The following GREB1 variants were observed in gnomAD, a reference collection of about 807,000 sequenced individuals.
The protein encoded by GREB1 is growth regulating estrogen receptor binding 1, also known as protein GREB1.
GREB1 carries 106 observed loss-of-function variants against 200.7 expected under a neutral mutation model. The observed-to-expected ratio is 0.53, with a 90% CI of 0.45 to 0.62. The LOEUF is 0.62. GREB1 is among the 20% of genes least tolerant of loss of function. The pLI is 0.00. For synonymous variants in GREB1, 1,132 were observed against 1,092.4 expected (o/e 1.04, Z -0.72); for missense variants, 2,243 against 2,556.8 (o/e 0.88, Z 2.65).
chr2:11,619,084 G>A (rs1474526762), intron 22 of GREB1, among the ~76,000 whole-genome samples, 165 bp downstream of exon 22: 1 of 152,220 alleles, frequency 6.6e-6, no homozygotes, highest in Non-Finnish European at 1.5e-5. Flanking sequence ...GAGGAGGGCA[G>A]GACTCATCTG....
intron 25 of GREB1, among the ~76,000 whole-genome samples, chr2:11,628,480 G>A (rs1356679356): frequency 6.6e-6 from 1 of 152,270 alleles, no homozygotes; most frequent in Non-Finnish European, 1.5e-5. Flanking sequence ...CTTGGCTGCC[G>A]GGGACGCAGC....
intron 1 of GREB1, among the ~76,000 whole-genome samples, chr2:11,552,906 A>C (rs1037771941): frequency 2.0e-5 from 3 of 149,816 alleles, no homozygotes; most frequent in Admixed American, 1.3e-4. Context: ...GCTACACGGG[A>C]GGCTGAGGCA....
intron 3 of GREB1, among the ~76,000 whole-genome samples, chr2:11,565,924 TTTC>T (rs1457353715): frequency 6.6e-6 from 1 of 152,148 alleles, no homozygotes; most frequent in Non-Finnish European, 1.5e-5. Context: ...GTGTTTAAAA[TTTC>T]TTCCTGTTGA....
chr2:11,626,506 T>G (rs1684464199), intron 24 of GREB1, among the ~76,000 whole-genome samples: 1 of 152,142 alleles, frequency 6.6e-6, no homozygotes, highest in South Asian at 2.1e-4. Flanking sequence ...GAGAATCACT[T>G]GAACCTGCGA....
chr2:11,558,397 C>T (rs1237218253), intron 2 of GREB1, among the ~76,000 whole-genome samples: 5 of 152,178 alleles, frequency 3.3e-5, no homozygotes, highest in African/African-American at 7.2e-5. Context: ...TGCTGTTGGA[C>T]ATGTGGCACT....
chr2:11,581,344 A>G (rs1375051632), intron 7 of GREB1: 1 of 311,348 alleles, frequency 3.2e-6, no homozygotes, highest in Non-Finnish European at 5.9e-6. Flanking sequence ...GCAGCTCACT[A>G]ATCGGTACCG....
At chr2:11,513,370 A>C (rs186319645) in intron 1 of GREB1, among the ~76,000 whole-genome samples, 17 of 152,220 alleles carry the variant, frequency 1.1e-4, no homozygotes, top group Admixed American at 4.6e-4. Context: ...TGGGCATCTC[A>C]GGGAAGGAAG....
rs1216435834 is a variant in GREB1, at chr2:11,597,366, C to T, written c.1955-415C>T. Among the ~76,000 whole-genome samples the T allele has an allele frequency of 6.6e-6, 1 of 152,098 alleles. No individual in the cohort carries two copies. Among genetic ancestry groups the T allele is most frequent in the Non-Finnish European group, 1.5e-5 (1 of 68,018 alleles). ...CTATGCCAATTTCCTGCCTCTGAGT[C>T]TGTTGCTGATGTTTTTTATTCATAC... On this transcript the variant is annotated intron_variant, in intron 13 of 32. Coordinates refer to ENST00000381486, the MANE Select transcript of GREB1 (RefSeq NM_014668.4). This position sits in a 1 kb window ranked among gnomAD's most constrained non-coding sequence, Gnocchi z 4.1.
At chr2:11,520,288 A>G (rs1673657859) in intron 1 of GREB1, among the ~76,000 whole-genome samples, 2 of 152,220 alleles carry the variant, frequency 1.3e-5, no homozygotes, top group Admixed American at 6.5e-5. Context: ...ACAAATTATC[A>G]TAGATCTATT....
intron 17 of GREB1, 121 bp from the exon 18 acceptor site, chr2:11,610,567 A>G (rs1682824044): frequency 1.4e-6 from 1 of 716,370 alleles, no homozygotes; most frequent in East Asian, 2.6e-5. Flanking sequence ...TCCAGAGGCA[A>G]CACAACTGCG....
intron 23 of GREB1, among the ~76,000 whole-genome samples, chr2:11,622,068 GAC>G (rs1266131258): frequency 6.6e-6 from 1 of 151,994 alleles, no homozygotes; most frequent in African/African-American, 2.4e-5. Flanking sequence ...GATTAAATGT[GAC>G]ACACACAGAG....
chr2:11,592,714 C>A, intron 10 of GREB1, 62 bp from the exon 11 acceptor site: 2 of 1,106,596 alleles, frequency 1.8e-6, no homozygotes, highest in Non-Finnish European at 2.5e-6. Context: ...CATCACTGCA[C>A]CCGTGCGTCC....
At chr2:11,622,738 ATG>A in intron 23 of GREB1, among the ~76,000 whole-genome samples, 1 of 152,342 alleles carries the variant, frequency 6.6e-6, no homozygotes, top group East Asian at 1.9e-4. Context: ...AAAGGAAGCT[ATG>A]CAGGTTTTGC....
intron 1 of GREB1, among the ~76,000 whole-genome samples, chr2:11,487,677 T>G (rs983968252): frequency 2.0e-5 from 3 of 152,266 alleles, no homozygotes; most frequent in Non-Finnish European, 4.4e-5. Flanking sequence ...ATAGAACGAT[T>G]GTGAGCCTCT....
chr2:11,581,009 C>T, intron 7 of GREB1, 177 bp downstream of exon 7: 2 of 771,364 alleles, frequency 2.6e-6, no homozygotes, highest in Non-Finnish European at 4.6e-6. Context: ...GGGCCCAGGC[C>T]CTGGTGCTCT....
At position 11,634,213 on chromosome 2, in the gene GREB1, G is replaced by T. The variant is rs991868518; in HGVS notation, c.5074G>T (p.Ala1692Ser). The change falls in exon 29 of 33, where the codon GCC becomes TCC. Residue 1692 changes from alanine (A) to serine (S), a missense_variant. Physicochemically the swap from Ala to Ser is moderately conservative, Grantham distance 99. Transcript: ENST00000381486. ...IEAAPDIMHY[A>S]LLGLRKWSSK... Reference sequence around the variant, plus strand: ...GGCGGCCCCCGACATCATGCACTACGCCCTGCTGGGCCTGCGGAAGTGGTC... The same window carrying T: ...GGCGGCCCCCGACATCATGCACTACTCCCTGCTGGGCCTGCGGAAGTGGTC... The T allele has an allele frequency of 2.5e-6, 4 of 1,614,202 alleles. No individual in the cohort carries two copies. Among genetic ancestry groups the T allele is most frequent in the Non-Finnish European group, 3.4e-6 (4 of 1,180,026 alleles).
At position 11,633,344 on chromosome 2, in the gene GREB1, C is replaced by T. The variant is rs557141565; in HGVS notation, c.4991+281C>T. On this transcript the variant is annotated intron_variant, in intron 28 of 32. Coordinates refer to ENST00000381486, the MANE Select transcript of GREB1 (RefSeq NM_014668.4). This position sits in a 1 kb window ranked among gnomAD's most constrained non-coding sequence, Gnocchi z 4.1. Reference sequence around the variant, plus strand: ...TTGGGAGGCTGAGGTGGGTGGATCACGAGGTCAGGAGATCGAGACCATCCT... The same window carrying T: ...TTGGGAGGCTGAGGTGGGTGGATCATGAGGTCAGGAGATCGAGACCATCCT... Among the ~76,000 whole-genome samples, 2 of 152,082 alleles carry T rather than the reference C, an allele frequency of 1.3e-5. No homozygotes were observed. The highest frequency in any genetic ancestry group is 1.9e-4 in the East Asian group (1 of 5,150).
chr2:11,601,607 G>T (rs1167044316), intron 16 of GREB1, among the ~76,000 whole-genome samples: 3 of 152,280 alleles, frequency 2.0e-5, no homozygotes, highest in South Asian at 2.1e-4. Flanking sequence ...GGAGTGCCTC[G>T]CAATCCTCTG....
chr2:11,519,874 C>T (rs13432124), intron 1 of GREB1, among the ~76,000 whole-genome samples: 1 of 152,084 alleles, frequency 6.6e-6, no homozygotes, highest in Non-Finnish European at 1.5e-5. Context: ...TGTTGGCTCA[C>T]GTCTATAATC....
Sources: allele counts gnomAD v4.1 joint callset (sites outside exome capture counted in the v4.1 genomes callset), GRCh38; gene constraint gnomAD v4.1.1; non-coding constraint Gnocchi (gnomAD v3.1); transcripts MANE v1.5; gene names NCBI Gene and HGNC (gene_info 2026-07-23, HGNC 2026-07-21).